The following FAF1 variants were observed in gnomAD, a reference collection of about 807,000 sequenced individuals.
FAF1 encodes Fas associated factor 1, also known as FAS-associated factor 1.
A neutral mutation model predicts 92.5 loss-of-function variants in FAF1; 25 were observed. That is an observed-to-expected ratio of 0.27 (90% CI 0.20 to 0.38). The LOEUF (loss-of-function observed/expected upper bound fraction) is 0.38, where lower values mean the gene tolerates loss of function less well. Ranked by LOEUF, FAF1 falls within the 10% of genes least tolerant of loss-of-function variation. FAF1 has a pLI of 1.00. For missense variants in FAF1, 636 were observed against 793.3 expected (o/e 0.80, Z 2.38); for synonymous variants, 234 against 273.2 (o/e 0.86, Z 1.42).
intron 8 of FAF1, among the ~76,000 whole-genome samples, chr1:50,638,445 CTTTT>C (rs35054798): frequency 5.3e-5 from 7 of 131,610 alleles, no homozygotes; most frequent in Non-Finnish European, 8.1e-5. Flanking sequence ...TTTTCTTTTT[CTTTT>C]TTTTTTTTTT....
At chr1:50,927,949 T>A (rs189124395) in intron 1 of FAF1, among the ~76,000 whole-genome samples, 2 of 152,360 alleles carry the variant, frequency 1.3e-5, no homozygotes, top group African/African-American at 2.4e-5. Flanking sequence ...GATGTGTTCA[T>A]GTTGTGCAAA....
At chr1:50,919,256 A>G (rs953775026) in intron 1 of FAF1, among the ~76,000 whole-genome samples, 2 of 152,134 alleles carry the variant, frequency 1.3e-5, no homozygotes, top group Non-Finnish European at 2.9e-5. Flanking sequence ...ACAGATCTGC[A>G]TATAAAAAAC....
chr1:50,944,999 G>A (rs1330481479), intron 1 of FAF1, among the ~76,000 whole-genome samples: 1 of 152,192 alleles, frequency 6.6e-6, no homozygotes, highest in African/African-American at 2.4e-5. Flanking sequence ...TAAGTAAGGT[G>A]TGTGGATCAA....
At chr1:50,822,317 G>C (rs536411504) in intron 2 of FAF1, among the ~76,000 whole-genome samples, 1 of 152,178 alleles carries the variant, frequency 6.6e-6, no homozygotes, top group East Asian at 1.9e-4. Flanking sequence ...AAACACAAGG[G>C]AATATGAGGC....
intron 17 of FAF1, among the ~76,000 whole-genome samples, chr1:50,483,138 T>G (rs1646722375): frequency 6.6e-6 from 1 of 152,190 alleles, no homozygotes; most frequent in Non-Finnish European, 1.5e-5. Flanking sequence ...CTATTACCCA[T>G]TTTGAGTTAA....
At chr1:50,673,867 C>T (rs575241458) in intron 7 of FAF1, among the ~76,000 whole-genome samples, 36 of 152,158 alleles carry the variant, frequency 2.4e-4, no homozygotes, top group African/African-American at 7.9e-4. Context: ...AGCTTTTATT[C>T]TCTCTTTAAA....
chr1:50,881,715 AC>A (rs1644613898), intron 1 of FAF1, among the ~76,000 whole-genome samples: 1 of 152,192 alleles, frequency 6.6e-6, no homozygotes, highest in African/African-American at 2.4e-5. Flanking sequence ...CAAGCTTATC[AC>A]TGTTATCTCT....
At chr1:50,707,923 G>A (rs1657753376) in intron 6 of FAF1, among the ~76,000 whole-genome samples, 1 of 152,110 alleles carries the variant, frequency 6.6e-6, no homozygotes, top group Non-Finnish European at 1.5e-5. Context: ...TTAACTTGAT[G>A]ACTTGCACTG....
chr1:50,473,068 G>C (rs1264950298), intron 18 of FAF1, among the ~76,000 whole-genome samples: 1 of 152,224 alleles, frequency 6.6e-6, no homozygotes. Flanking sequence ...GGAGCCTGAG[G>C]TTATTAACAT....
At chr1:50,653,470 C>T (rs1437811063) in intron 8 of FAF1, among the ~76,000 whole-genome samples, 2 of 152,140 alleles carry the variant, frequency 1.3e-5, no homozygotes, top group Non-Finnish European at 2.9e-5. Flanking sequence ...CCTGCTTTAG[C>T]CCCCCAAGTA....
chr1:50,735,725 T>G (rs1291886976), intron 6 of FAF1, among the ~76,000 whole-genome samples: 2 of 152,122 alleles, frequency 1.3e-5, no homozygotes, highest in Non-Finnish European at 2.9e-5. Flanking sequence ...ATTTTATTTA[T>G]TTTATTTAGA....
intron 7 of FAF1, among the ~76,000 whole-genome samples, chr1:50,686,040 T>C (rs900696298): frequency 2.0e-5 from 3 of 152,192 alleles, no homozygotes; most frequent in Non-Finnish European, 4.4e-5. Flanking sequence ...CACTACATTA[T>C]AGTAACAGAA....
chr1:50,638,116 A>C (rs919050798), intron 8 of FAF1, among the ~76,000 whole-genome samples: 19 of 152,140 alleles, frequency 1.2e-4, no homozygotes, highest in African/African-American at 4.3e-4. Context: ...GTTGTTTGCT[A>C]TTATATTGTA....
At chr1:50,636,202 G>T (rs1233080646) in intron 8 of FAF1, among the ~76,000 whole-genome samples, 3 of 151,998 alleles carry the variant, frequency 2.0e-5, no homozygotes, top group African/African-American at 7.2e-5. Context: ...CCATTTTAAA[G>T]CATATTTAGA....
chr1:50,621,667 T>C (rs928354479), intron 8 of FAF1, among the ~76,000 whole-genome samples: 4 of 151,898 alleles, frequency 2.6e-5, no homozygotes, highest in Admixed American at 2.6e-4. Flanking sequence ...CCCAAAGTGC[T>C]GAGATTACAG....
chr1:50,923,728 C>T (rs1221530656), intron 1 of FAF1, among the ~76,000 whole-genome samples: 1 of 152,204 alleles, frequency 6.6e-6, no homozygotes, highest in African/African-American at 2.4e-5. Context: ...AAAGATCACT[C>T]ACCATAAGTG....
chr1:50,836,170 G>GTTTTTTGTTTTTTTTTT (rs1553144966), intron 2 of FAF1, among the ~76,000 whole-genome samples: 1 of 98,526 alleles, frequency 1.0e-5, no homozygotes, highest in African/African-American at 4.3e-5. Flanking sequence ...TTTTGTTTCT[G>GTTTTTTGTTTTTTTTTT]TTTTTTTTTT....
chr1:50,907,204 C>G (rs1218892344), intron 1 of FAF1, among the ~76,000 whole-genome samples: 1 of 152,180 alleles, frequency 6.6e-6, no homozygotes, highest in African/African-American at 2.4e-5. Context: ...GTAAGTTGAA[C>G]CAGCCTTGCA....
In FAF1 at chr1:50,812,166, G is replaced by T. The variant is rs921486346; in HGVS notation, c.115-10489C>A. On this transcript the variant is annotated intron_variant, in intron 2 of 18. Coordinates refer to ENST00000396153, the MANE Select transcript of FAF1 (RefSeq NM_007051.3). ...CTGGCAAAGATTTCATGACAAACAC[G>T]CCAAAAGCAACTGCAACAAAAACAA... 2.6e-5 allele frequency among the ~76,000 whole-genome samples: 4 copies of T among 152,034 alleles called. No individual in the cohort carries two copies. In the East Asian group the frequency reaches 7.7e-4, roughly 29 times the overall value.
Sources: gnomAD v4.1 joint callset for allele counts (sites outside exome capture counted in the v4.1 genomes callset) on GRCh38, gnomAD v4.1.1 for gene constraint, MANE v1.5 for transcripts, NCBI Gene and HGNC (gene_info 2026-07-23, HGNC 2026-07-21) for gene names.